FSIP1: variants seen among roughly 807,000 people sequenced by gnomAD.
FSIP1 encodes the protein fibrous sheath interacting protein 1.
Under a neutral mutation model 60.9 loss-of-function variants are expected in FSIP1, and 65 were observed. The ratio of observed to expected loss-of-function variants is 1.07; its 90% CI spans 0.87 to 1.31. The LOEUF (loss-of-function observed/expected upper bound fraction) is 1.31. Among genes scored for constraint, FSIP1 ranks in the 40% most tolerant of loss-of-function variants. The probability of loss-of-function intolerance (pLI) is 0.00; values close to 1 mark genes in which losing one functional copy is unlikely to be tolerated. For synonymous variants in FSIP1, 209 were observed against 221.2 expected (o/e 0.94, Z 0.49); for missense variants, 675 against 665.5 (o/e 1.01, Z -0.16).
At chr15:39,653,009 C>G (rs896596556) in intron 10 of FSIP1, among the ~76,000 whole-genome samples, 10 of 151,838 alleles carry the variant, frequency 6.6e-5, no homozygotes, top group Admixed American at 6.6e-5. Flanking sequence ...AACTCTGTCT[C>G]TACAAAAAAT....
chr15:39,710,842 T>C (rs1436109220), intron 10 of FSIP1, among the ~76,000 whole-genome samples: 1 of 152,264 alleles, frequency 6.6e-6, no homozygotes, highest in African/African-American at 2.4e-5. Flanking sequence ...TTAAATACTT[T>C]AGTATCTGTA....
At chr15:39,762,359 A>G (rs1897530785) in intron 5 of FSIP1, among the ~76,000 whole-genome samples, 1 of 152,110 alleles carries the variant, frequency 6.6e-6, no homozygotes, top group East Asian at 1.9e-4. Flanking sequence ...ACATCCCTCT[A>G]TCTTCACACA....
In FSIP1 at chr15:39,618,229, C is replaced by T. The variant is rs758218811; in HGVS notation, c.1205G>A (p.Cys402Tyr). 6.4e-5 allele frequency: 102 copies of T among 1,606,080 alleles called. No individual in the cohort carries two copies. Among genetic ancestry groups the T allele is most frequent in the Non-Finnish European group, 7.9e-5 (93 of 1,173,918 alleles). Residue 402 changes from cysteine to tyrosine, a missense_variant, in exon 11 of 12, where the codon TGT becomes TAT. Coordinates refer to ENST00000350221, the MANE Select transcript of FSIP1 (RefSeq NM_152597.5). ...ACACTTTAACTGTTCTTCAGAGAGA[C>T]ATGATGTGGACTCTAACTGATGAAA... ...MKENVLESTS[C>Y]LSEEQLKCLL...
At chr15:39,644,192 C>T (rs1892491639) in intron 10 of FSIP1, among the ~76,000 whole-genome samples, 6 of 152,134 alleles carry the variant, frequency 3.9e-5, no homozygotes, top group Admixed American at 3.9e-4. Flanking sequence ...ACACCTCCCT[C>T]CTGAAATTTC....
chr15:39,609,619 C>T (rs370712924), intron 11 of FSIP1, among the ~76,000 whole-genome samples: 2 of 152,184 alleles, frequency 1.3e-5, no homozygotes, highest in African/African-American at 2.4e-5. Flanking sequence ...TTTCTCTAGA[C>T]GATAGCCTGG....
chr15:39,745,472 C>T (rs1332939762), intron 5 of FSIP1, among the ~76,000 whole-genome samples: 1 of 152,154 alleles, frequency 6.6e-6, no homozygotes, highest in Non-Finnish European at 1.5e-5. Flanking sequence ...GCTATAAGTA[C>T]ATTTCAGAAA....
rs184756573 is a variant in FSIP1 at position 39,677,938 on chromosome 15, G to A, written c.1188+35506C>T. 1.4e-4 allele frequency among the ~76,000 whole-genome samples: 21 copies of A among 151,800 alleles called. 1 individual carries two copies. The East Asian group carries it at 1.9e-3, about 14-fold the overall frequency. On this transcript the variant is annotated intron_variant, in intron 10 of 11. Coordinates refer to ENST00000350221, the MANE Select transcript of FSIP1 (RefSeq NM_152597.5). ...TTGAACCAGGGAGTTGGAGGTTGCC[G>A]TGAGCCAAGATCGCACCACTGCACT...
rs1321725420 is a variant in FSIP1, at chr15:39,738,194, T to C, written c.788A>G (p.Lys263Arg). 4.4e-6 allele frequency: 7 copies of C among 1,604,032 alleles called. No homozygotes were observed. Among genetic ancestry groups the C allele is most frequent in the Non-Finnish European group, 6.0e-6 (7 of 1,173,864 alleles). Residue 263 changes from lysine (K) to arginine (R), a missense_variant, in exon 8 of 12, where the codon AAG becomes AGG. Physicochemically the swap from Lys to Arg is conservative, Grantham distance 26 (BLOSUM62 2). Coordinates refer to ENST00000350221, the MANE Select transcript of FSIP1 (RefSeq NM_152597.5). ...CATAACCACTGGGTTTCTTGATTCC[T>C]TGGCCAACTACAGAATTTATTAATG... ...DFIKRNIELA[K>R]ESRNPVVMVD...
intron 5 of FSIP1, among the ~76,000 whole-genome samples, chr15:39,759,103 C>T (rs1159374312): frequency 6.6e-6 from 1 of 151,724 alleles, no homozygotes; most frequent in Non-Finnish European, 1.5e-5. Context: ...TTTATACAAT[C>T]TTGAGACATA....
chr15:39,620,798 G>T (rs1243982355), intron 10 of FSIP1, among the ~76,000 whole-genome samples: 2 of 149,696 alleles, frequency 1.3e-5, no homozygotes, highest in Non-Finnish European at 3.0e-5. Flanking sequence ...TGGAGACAGG[G>T]TTTTACCATG....
intron 9 of FSIP1, among the ~76,000 whole-genome samples, chr15:39,725,770 C>A (rs1896165337): frequency 6.6e-6 from 1 of 151,654 alleles, no homozygotes; most frequent in African/African-American, 2.4e-5. Flanking sequence ...TTCTGATATG[C>A]CATACCTTCT....
At chr15:39,742,920 G>A (rs1896853531) in intron 5 of FSIP1, among the ~76,000 whole-genome samples, 1 of 152,040 alleles carries the variant, frequency 6.6e-6, no homozygotes, top group African/African-American at 2.4e-5. Context: ...GGGGAGAGAG[G>A]GGTAAACTAC....
At chr15:39,674,055 ATT>A (rs532939228) in intron 10 of FSIP1, among the ~76,000 whole-genome samples, 4,264 of 144,470 alleles carry the variant, frequency 0.03, 205 homozygotes, top group African/African-American at 0.1. Context: ...ACCCGATTTA[ATT>A]TTTTTTTTTT....
chr15:39,689,284 G>C (rs1209358080), intron 10 of FSIP1, among the ~76,000 whole-genome samples: 1 of 152,088 alleles, frequency 6.6e-6, no homozygotes, highest in Non-Finnish European at 1.5e-5. Flanking sequence ...CAACCCAAAA[G>C]CTCTCCAAAA....
At chr15:39,662,614 G>A (rs1344858847) in intron 10 of FSIP1, among the ~76,000 whole-genome samples, 1 of 151,724 alleles carries the variant, frequency 6.6e-6, no homozygotes, top group African/African-American at 2.4e-5. Flanking sequence ...ACACTCAACA[G>A]TACTGAGAAA....
chr15:39,777,671 C>A (rs1013529217), intron 1 of FSIP1, among the ~76,000 whole-genome samples: 3 of 152,204 alleles, frequency 2.0e-5, no homozygotes, highest in Non-Finnish European at 2.9e-5. Context: ...TGGGGCAACA[C>A]GCATGCTGAG....
At chr15:39,780,724 A>T (rs1363144994) in intron 1 of FSIP1, among the ~76,000 whole-genome samples, 1 of 152,132 alleles carries the variant, frequency 6.6e-6, no homozygotes, top group Non-Finnish European at 1.5e-5. Flanking sequence ...AAAACTTCAC[A>T]CTATAAAATT....
At chr15:39,669,153 A>G (rs1184889165) in intron 10 of FSIP1, among the ~76,000 whole-genome samples, 1 of 152,164 alleles carries the variant, frequency 6.6e-6, no homozygotes, top group Non-Finnish European at 1.5e-5. Context: ...TCAGCTGCAG[A>G]GTGCTGCTTG....
chr15:39,641,716 A>G (rs183162247), intron 10 of FSIP1, among the ~76,000 whole-genome samples: 17 of 152,220 alleles, frequency 1.1e-4, no homozygotes, highest in Non-Finnish European at 1.9e-4. Context: ...CATTTACATG[A>G]TTTAAGGCCA....
Sources: allele counts gnomAD v4.1 joint callset (sites outside exome capture counted in the v4.1 genomes callset), GRCh38; gene constraint gnomAD v4.1.1; transcripts MANE v1.5; gene names NCBI Gene and HGNC (gene_info 2026-07-23, HGNC 2026-07-21).